Variants in GABBR2 observed in about 807,000 individuals in gnomAD.
The protein encoded by GABBR2 is gamma-aminobutyric acid type B receptor subunit 2, also known as G-protein coupled receptor 51.
A neutral mutation model predicts 105.6 loss-of-function variants in GABBR2; 23 were observed. The observed-to-expected ratio is 0.22, with a 90% CI of 0.16 to 0.31. GABBR2 has a LOEUF of 0.31. GABBR2 is among the 10% of genes least tolerant of loss of function. GABBR2 has a pLI of 1.00. For synonymous variants in GABBR2, 478 were observed against 499.7 expected (o/e 0.96, Z 0.58); for missense variants, 734 against 1,245.5 (o/e 0.59, Z 6.18).
chr9:98,623,015 G>A (rs1354235942), intron 1 of GABBR2, among the ~76,000 whole-genome samples: 6 of 152,240 alleles, frequency 3.9e-5, no homozygotes, highest in Non-Finnish European at 8.8e-5. Context: ...TGGTGGGGAT[G>A]TTGATAATGG....
At chr9:98,489,781 C>CG (rs1452374396) in intron 4 of GABBR2, among the ~76,000 whole-genome samples, 1 of 152,106 alleles carries the variant, frequency 6.6e-6, no homozygotes, top group African/African-American at 2.4e-5. Context: ...AGTCCAACCC[C>CG]GGGTCTACTT....
intron 1 of GABBR2, among the ~76,000 whole-genome samples, chr9:98,633,467 A>G (rs776746372): frequency 1.3e-4 from 19 of 151,938 alleles, no homozygotes; most frequent in Non-Finnish European, 1.9e-4. Context: ...TACTAAAGAT[A>G]CAAAAAAAAT....
chr9:98,464,709 C>T (rs1826509449), intron 6 of GABBR2, among the ~76,000 whole-genome samples: 1 of 151,848 alleles, frequency 6.6e-6, no homozygotes, highest in African/African-American at 2.4e-5. Flanking sequence ...AAAGAGAGAT[C>T]AGATTGTTAC....
chr9:98,309,986 T>C (rs907300295), intron 14 of GABBR2, among the ~76,000 whole-genome samples: 8 of 151,532 alleles, frequency 5.3e-5, no homozygotes. Context: ...TTCCAGTTTA[T>C]TTGACTTTTG....
intron 4 of GABBR2, among the ~76,000 whole-genome samples, chr9:98,487,927 G>C (rs573843609): frequency 1.1e-4 from 17 of 152,172 alleles, no homozygotes; most frequent in Non-Finnish European, 2.5e-4. Context: ...TCTTGGATTA[G>C]CCAGGTGATA....
At position 98,289,632 on chromosome 9, in the gene GABBR2, G is replaced by A. The variant is rs1437233580; in HGVS notation, c.*952C>T. ...TTCACTTTGGTCAGAAACAAAGTTA[G>A]TGGGAAAAAAAAAAAAAAAATCCCA... On this transcript the variant is annotated 3_prime_UTR_variant, in exon 19 of 19. Coordinates refer to ENST00000259455, the MANE Select transcript of GABBR2 (RefSeq NM_005458.8). 8.1e-6 allele frequency: 1 copy of A among 124,048 alleles called. No homozygotes were observed. The highest frequency in any genetic ancestry group is 1.6e-5 in the Non-Finnish European group (1 of 61,780). The allele number at this position is 124,048 out of a possible 1,614,324, so 7.7% of individuals were successfully genotyped here. A position where few individuals can be genotyped will look rare whatever the true frequency, so the allele number is the denominator to read the frequency against.
chr9:98,339,949 G>A (rs1296665320), intron 13 of GABBR2, among the ~76,000 whole-genome samples: 3 of 152,132 alleles, frequency 2.0e-5, no homozygotes, highest in Non-Finnish European at 4.4e-5. Flanking sequence ...CTGGCTCACT[G>A]AACTCGGGCA....
At chr9:98,561,610 A>G (rs1414993104) in intron 2 of GABBR2, among the ~76,000 whole-genome samples, 1 of 152,210 alleles carries the variant, frequency 6.6e-6, no homozygotes, top group African/African-American at 2.4e-5. Context: ...GGTTGGGTGC[A>G]GTGGCTCACA....
intron 1 of GABBR2, among the ~76,000 whole-genome samples, chr9:98,646,358 A>G (rs1830028828): frequency 6.6e-6 from 1 of 152,182 alleles, no homozygotes; most frequent in Non-Finnish European, 1.5e-5. Flanking sequence ...GAAACACTTC[A>G]CAGTGCTGTT....
chr9:98,497,354 G>A (rs2131672381), intron 3 of GABBR2, among the ~76,000 whole-genome samples: 1 of 152,220 alleles, frequency 6.6e-6, no homozygotes, highest in Admixed American at 6.5e-5. Flanking sequence ...TGATTTTTGA[G>A]GGGAGAAATC....
intron 6 of GABBR2, among the ~76,000 whole-genome samples, chr9:98,455,606 A>G (rs1826312882): frequency 6.6e-6 from 1 of 152,182 alleles, no homozygotes; most frequent in African/African-American, 2.4e-5. Flanking sequence ...TTCCCATTTC[A>G]TCTTGGCTAC....
At chr9:98,515,523 T>G (rs1827740058) in intron 3 of GABBR2, among the ~76,000 whole-genome samples, 1 of 152,188 alleles carries the variant, frequency 6.6e-6, no homozygotes, top group African/African-American at 2.4e-5. Flanking sequence ...CCCTAGCATT[T>G]GCAAACCCCC....
At chr9:98,350,683 C>T (rs1338283332) in intron 13 of GABBR2, among the ~76,000 whole-genome samples, 1 of 152,116 alleles carries the variant, frequency 6.6e-6, no homozygotes, top group Non-Finnish European at 1.5e-5. Context: ...GAGAATGTTC[C>T]ATGTGTTGAT....
At chr9:98,674,686 C>A (rs1393406232) in intron 1 of GABBR2, among the ~76,000 whole-genome samples, 1 of 152,110 alleles carries the variant, frequency 6.6e-6, no homozygotes, top group East Asian at 1.9e-4. Flanking sequence ...AGAGAGGCTA[C>A]AAGGTGGCGG....
At chr9:98,402,993 G>A (rs183590395) in intron 8 of GABBR2, among the ~76,000 whole-genome samples, 1 of 152,182 alleles carries the variant, frequency 6.6e-6, no homozygotes, top group East Asian at 1.9e-4. Flanking sequence ...GAGGATCAAT[G>A]TCTGTTTAAA....
chr9:98,315,540 G>C (rs3780441), intron 13 of GABBR2, among the ~76,000 whole-genome samples: 34,315 of 152,146 alleles, frequency 0.23, 4,168 homozygotes, highest in South Asian at 0.38. Flanking sequence ...ACAAGCTGTA[G>C]GTGTTGTCTA....
At chr9:98,526,474 T>C (rs1478495466) in intron 3 of GABBR2, among the ~76,000 whole-genome samples, 1 of 152,178 alleles carries the variant, frequency 6.6e-6, no homozygotes, top group Non-Finnish European at 1.5e-5. Context: ...AAACATCACC[T>C]CTTTGAGGCT....
chr9:98,333,117 T>C (rs115084547), intron 13 of GABBR2, among the ~76,000 whole-genome samples: 122 of 151,952 alleles, frequency 8.0e-4, no homozygotes, highest in African/African-American at 2.8e-3. Flanking sequence ...TCTGCAAGGG[T>C]TCAGGGCAGA....
chr9:98,550,292 T>C (rs1828466537), intron 2 of GABBR2, among the ~76,000 whole-genome samples: 1 of 152,180 alleles, frequency 6.6e-6, no homozygotes, highest in Non-Finnish European at 1.5e-5. Context: ...CACAAAAGCT[T>C]TCATGCCCAA....
Sources: gnomAD v4.1 joint callset for allele counts (sites outside exome capture counted in the v4.1 genomes callset) on GRCh38, gnomAD v4.1.1 for gene constraint, MANE v1.5 for transcripts, NCBI Gene and HGNC (gene_info 2026-07-23, HGNC 2026-07-21) for gene names.